The following CACNA2D1 variants were observed in gnomAD, a reference collection of about 807,000 sequenced individuals.
The protein encoded by CACNA2D1 is voltage-dependent calcium channel subunit alpha-2/delta-1.
Under a neutral mutation model 171.5 loss-of-function variants are expected in CACNA2D1, and 53 were observed. The observed-to-expected ratio is 0.31, with a 90% CI of 0.25 to 0.39. The LOEUF (loss-of-function observed/expected upper bound fraction) is 0.39, where lower values mean the gene tolerates loss of function less well. Among genes scored for constraint, CACNA2D1 ranks in the 10% least tolerant of loss-of-function variants. CACNA2D1 has a pLI of 1.00. For synonymous variants in CACNA2D1, 442 were observed against 443.1 expected (o/e 1.00, Z 0.03); for missense variants, 903 against 1,299.8 (o/e 0.69, Z 4.69).
At chr7:82,175,449 A>T (rs1171313919) in intron 3 of CACNA2D1, among the ~76,000 whole-genome samples, 1 of 152,060 alleles carries the variant, frequency 6.6e-6, no homozygotes, top group Non-Finnish European at 1.5e-5. Flanking sequence ...AAATTCTTGT[A>T]TTATACCTAT....
intron 32 of CACNA2D1, among the ~76,000 whole-genome samples, chr7:81,965,272 A>G (rs1794601838): frequency 6.6e-6 from 1 of 151,946 alleles, no homozygotes; most frequent in Admixed American, 6.6e-5. Context: ...AACAAGCTAT[A>G]TATTAAATTA....
chr7:82,296,515 T>TAGACCC (rs1812307662), intron 3 of CACNA2D1, among the ~76,000 whole-genome samples: 1 of 152,214 alleles, frequency 6.6e-6, no homozygotes, highest in Non-Finnish European at 1.5e-5. Context: ...TAGAGAAATT[T>TAGACCC]AGACCCAAGA....
intron 5 of CACNA2D1, among the ~76,000 whole-genome samples, chr7:82,121,411 A>G (rs2367906): frequency 0.54 from 81,361 of 152,042 alleles, 22,465 homozygotes; most frequent in African/African-American, 0.68. Flanking sequence ...AAGACTCAAC[A>G]GAATTGCAGG....
At chr7:82,275,780 A>C (rs186238725) in intron 3 of CACNA2D1, among the ~76,000 whole-genome samples, 1 of 152,296 alleles carries the variant, frequency 6.6e-6, no homozygotes, top group African/African-American at 2.4e-5. Context: ...AGTAAGCACT[A>C]AATAATTGTT....
chr7:82,339,937 A>G (rs1818421788), intron 2 of CACNA2D1, among the ~76,000 whole-genome samples: 9 of 152,184 alleles, frequency 5.9e-5, no homozygotes, highest in Admixed American at 5.2e-4. Flanking sequence ...TAGCCAATGG[A>G]ATCACAAAGG....
At chr7:82,055,512 C>T (rs1419497346) in intron 10 of CACNA2D1, among the ~76,000 whole-genome samples, 5 of 151,656 alleles carry the variant, frequency 3.3e-5, no homozygotes, top group East Asian at 2.0e-4. Context: ...TGGAACCAAC[C>T]GAAATGTCCA....
chr7:82,250,024 C>T (rs1405809895), intron 3 of CACNA2D1, among the ~76,000 whole-genome samples: 1 of 152,216 alleles, frequency 6.6e-6, no homozygotes, highest in Non-Finnish European at 1.5e-5. Flanking sequence ...ATGGTGCTAG[C>T]ACCAGCGAGG....
At chr7:81,950,847 T>C (rs1415432950) in intron 38 of CACNA2D1, among the ~76,000 whole-genome samples, 1 of 152,036 alleles carries the variant, frequency 6.6e-6, no homozygotes, top group Non-Finnish European at 1.5e-5. Flanking sequence ...AAGAAATAAA[T>C]GTAAAATTTA....
At chr7:81,984,042 C>T (rs888323228) in intron 22 of CACNA2D1, among the ~76,000 whole-genome samples, 6 of 152,102 alleles carry the variant, frequency 3.9e-5, no homozygotes, top group African/African-American at 1.2e-4. Context: ...ATTAATTACT[C>T]TACATTCCAA....
chr7:82,038,371 AC>A, intron 10 of CACNA2D1, 136 bp from the exon 11 acceptor site: 1 of 737,304 alleles, frequency 1.4e-6, no homozygotes, highest in Non-Finnish European at 2.2e-6. Flanking sequence ...TAGGCTGGTG[AC>A]AAAGGTGCAT....
chr7:82,184,691 T>C (rs1379703683), intron 3 of CACNA2D1, among the ~76,000 whole-genome samples: 1 of 152,204 alleles, frequency 6.6e-6, no homozygotes, highest in Non-Finnish European at 1.5e-5. Context: ...CTTCTTCTTT[T>C]CCTTTTTAAG....
intron 12 of CACNA2D1, among the ~76,000 whole-genome samples, chr7:82,017,650 C>T (rs1800668787): frequency 6.6e-6 from 1 of 151,624 alleles, no homozygotes; most frequent in African/African-American, 2.4e-5. Flanking sequence ...TCTTGTTTAA[C>T]CTTAATTTTG....
chr7:82,342,900 T>C (rs1818838907), intron 2 of CACNA2D1, among the ~76,000 whole-genome samples: 1 of 152,190 alleles, frequency 6.6e-6, no homozygotes, highest in Admixed American at 6.5e-5. Context: ...TTCTCTAGTC[T>C]ACCCAACATA....
intron 3 of CACNA2D1, among the ~76,000 whole-genome samples, chr7:82,199,576 A>G (rs1417806374): frequency 6.6e-6 from 1 of 152,044 alleles, no homozygotes; most frequent in Non-Finnish European, 1.5e-5. Flanking sequence ...CTTTAACCCT[A>G]TTTACATTAG....
chr7:82,187,058 T>C (rs1797858174), intron 3 of CACNA2D1, among the ~76,000 whole-genome samples: 1 of 152,176 alleles, frequency 6.6e-6, no homozygotes, highest in Admixed American at 6.6e-5. Context: ...CTGCAAATGA[T>C]AATAAATGAT....
chr7:81,967,772 G>A, intron 29 of CACNA2D1, 109 bp from the exon 30 acceptor site: 1 of 617,234 alleles, frequency 1.6e-6, no homozygotes, highest in Non-Finnish European at 3.0e-6. Context: ...TATTACAGAA[G>A]TTTTAGTTTT....
Position 82,393,083 on chromosome 7 carries a change from A to AAGGAAGGAAGGAAGGAAGGC in CACNA2D1, c.96-43435_96-43434insGCCTTCCTTCCTTCCTTCCT, listed in dbSNP as rs1208617777. 3.0e-3 allele frequency among the ~76,000 whole-genome samples: 245 copies of AAGGAAGGAAGGAAGGAAGGC among 82,282 alleles called. 1 individual carries two copies. Among genetic ancestry groups the AAGGAAGGAAGGAAGGAAGGC allele is most frequent in the Non-Finnish European group, 4.1e-3 (167 of 40,836 alleles). The allele number at this position is 82,282 out of a possible 152,430, so 54.0% of individuals were successfully genotyped here. A position where few individuals can be genotyped will look rare whatever the true frequency, so the allele number is the denominator to read the frequency against. On this transcript the variant is annotated intron_variant, in intron 1 of 38. Coordinates refer to ENST00000356860, the MANE Select transcript of CACNA2D1 (RefSeq NM_000722.4). ...GAAGGAAGGAAGGAAGGAAGGAAGGAAGGCAGGCAGGCAGGCAGGCAGGCA... is the reference window on the plus strand; with the variant it reads ...GAAGGAAGGAAGGAAGGAAGGAAGGAAGGAAGGAAGGAAGGAAGGCAGGCAGGCAGGCAGGCAGGCAGGCA...
intron 2 of CACNA2D1, among the ~76,000 whole-genome samples, chr7:82,347,799 A>G (rs1819408853): frequency 6.6e-6 from 1 of 151,728 alleles, no homozygotes; most frequent in African/African-American, 2.4e-5. Context: ...AAAATTAGAG[A>G]TTTTCTTTCA....
At chr7:82,312,101 G>A (rs1451066259) in intron 3 of CACNA2D1, among the ~76,000 whole-genome samples, 1 of 152,092 alleles carries the variant, frequency 6.6e-6, no homozygotes, top group East Asian at 1.9e-4. Context: ...GTCAACTTAT[G>A]GCCTATATGA....
Sources: gnomAD v4.1 joint callset for allele counts (sites outside exome capture counted in the v4.1 genomes callset) on GRCh38, gnomAD v4.1.1 for gene constraint, MANE v1.5 for transcripts, NCBI Gene and HGNC (gene_info 2026-07-23, HGNC 2026-07-21) for gene names.